The following FBLN2 variants were observed in gnomAD, a reference collection of about 807,000 sequenced individuals.
FBLN2 encodes the protein fibulin-2.
FBLN2 carries 81 observed loss-of-function variants against 123.7 expected under a neutral mutation model. The ratio of observed to expected loss-of-function variants is 0.65; its 90% confidence interval spans 0.55 to 0.79. The LOEUF is 0.79. FBLN2 is among the 30% of genes least tolerant of loss of function. FBLN2 has a pLI of 0.00. For synonymous variants in FBLN2, 699 were observed against 701.4 expected (o/e 1.00, Z 0.05); for missense variants, 1,603 against 1,681.3 (o/e 0.95, Z 0.81).
At chr3:13,563,663 C>T (rs781091226) in intron 1 of FBLN2, among the ~76,000 whole-genome samples, 3 of 152,252 alleles carry the variant, frequency 2.0e-5, no homozygotes, top group Non-Finnish European at 4.4e-5. Context: ...GCTCACATAT[C>T]CCTCTGAGCA....
At chr3:13,599,158 G>T (rs1704942917) in intron 2 of FBLN2, among the ~76,000 whole-genome samples, 1 of 152,206 alleles carries the variant, frequency 6.6e-6, no homozygotes, top group African/African-American at 2.4e-5. Flanking sequence ...ATGACTCAGG[G>T]ATGTGGAAGG....
At chr3:13,554,947 CTTTT>C (rs199976666) in intron 1 of FBLN2, among the ~76,000 whole-genome samples, 13 of 141,660 alleles carry the variant, frequency 9.2e-5, no homozygotes, top group African/African-American at 3.1e-4. Flanking sequence ...CTTATATTTA[CTTTT>C]TTTTTTTTTT....
At chr3:13,583,252 C>T (rs1465560915) in intron 2 of FBLN2, among the ~76,000 whole-genome samples, 1 of 152,286 alleles carries the variant, frequency 6.6e-6, no homozygotes, top group African/African-American at 2.4e-5. Context: ...GTGCCAGGCA[C>T]TGTGTTAATC....
At chr3:13,573,894 CA>C (rs34768387) in intron 2 of FBLN2, among the ~76,000 whole-genome samples, 23,158 of 72,918 alleles carry the variant, frequency 0.32, 1,543 homozygotes, top group Admixed American at 0.39. Context: ...GAGTGAAACT[CA>C]AAAAAAAAAA....
chr3:13,551,422 C>CT (rs1245541231), intron 1 of FBLN2, among the ~76,000 whole-genome samples: 2 of 152,206 alleles, frequency 1.3e-5, no homozygotes, highest in Non-Finnish European at 2.9e-5. Flanking sequence ...CATCACTTTT[C>CT]TTCCCAGATC....
chr3:13,618,286 G>A lies in FBLN2; in HGVS notation c.1939+1G>A. On this transcript the variant is annotated splice_donor_variant, in intron 6 of 17. Transcript: ENST00000404922. LOFTEE classifies it high-confidence loss of function. ...GACGATGGCCGCACTTGCCGCCCAG[G>A]TAAGGGCCCTGATGGCCAGGGCAGG... The A allele has an allele frequency of 6.2e-7, 1 of 1,613,726 alleles. No individual in the cohort carries two copies. The highest frequency in any genetic ancestry group is 8.5e-7 in the Non-Finnish European group (1 of 1,179,866).
chr3:13,577,483 A>G (rs944146771), intron 2 of FBLN2, among the ~76,000 whole-genome samples: 1 of 152,202 alleles, frequency 6.6e-6, no homozygotes, highest in African/African-American at 2.4e-5. Flanking sequence ...GCCTGTGGCC[A>G]CCATGAGGAC....
chr3:13,557,391 C>T (rs1056908042), intron 1 of FBLN2, among the ~76,000 whole-genome samples: 7 of 152,248 alleles, frequency 4.6e-5, no homozygotes, highest in African/African-American at 1.2e-4. Flanking sequence ...ATTTTGGTTA[C>T]AGGTGATAGA....
At chr3:13,564,016 C>G (rs1271100441) in intron 1 of FBLN2, among the ~76,000 whole-genome samples, 1 of 152,150 alleles carries the variant, frequency 6.6e-6, no homozygotes, top group Non-Finnish European at 1.5e-5. Flanking sequence ...CCAAATTAGC[C>G]CAGGGAAGCC....
intron 4 of FBLN2, 122 bp downstream of exon 4, chr3:13,609,764 A>AC: frequency 8.5e-7 from 1 of 1,175,450 alleles, no homozygotes; most frequent in Admixed American, 2.5e-5. Context: ...CCTGGGAGTG[A>AC]CCCTCACGCC....
At chr3:13,595,001 G>A (rs1439366219) in intron 2 of FBLN2, among the ~76,000 whole-genome samples, 11 of 152,210 alleles carry the variant, frequency 7.2e-5, no homozygotes, top group East Asian at 1.9e-4. Context: ...GAGATCCTGC[G>A]GCTGCCCCGG....
chr3:13,602,504 G>GT (rs1300217804), intron 2 of FBLN2, among the ~76,000 whole-genome samples: 2 of 152,206 alleles, frequency 1.3e-5, no homozygotes, highest in Non-Finnish European at 2.9e-5. Context: ...AAGTTGTAGA[G>GT]TAAGTAGAGG....
At chr3:13,593,970 A>G (rs1332949251) in intron 2 of FBLN2, among the ~76,000 whole-genome samples, 1 of 151,870 alleles carries the variant, frequency 6.6e-6, no homozygotes, top group Admixed American at 6.6e-5. Flanking sequence ...CTTTTATAAC[A>G]CTCATTTTAC....
chr3:13,555,314 G>T lies in FBLN2; in HGVS notation c.-42+6106G>T, dbSNP rs905257166. Among the ~76,000 whole-genome samples, 3 of 152,138 alleles carry T rather than the reference G, an allele frequency of 2.0e-5. No homozygotes were observed. The South Asian group carries it at 6.2e-4, about 32-fold the overall frequency. ...CTGTAGACAGAAATCAGGATCACTT[G>T]TCCTAAACCAGCAATACCCATAAAA... is the stretch of plus-strand genomic sequence containing the variant. On this transcript the variant is annotated intron_variant, in intron 1 of 17. Coordinates refer to ENST00000404922, the MANE Select transcript of FBLN2 (RefSeq NM_001004019.2).
chr3:13,600,980 A>C (rs1705013811), intron 2 of FBLN2, among the ~76,000 whole-genome samples: 1 of 152,194 alleles, frequency 6.6e-6, no homozygotes, highest in Admixed American at 6.5e-5. Flanking sequence ...CACAGTGATC[A>C]CATCAGGGTG....
intron 1 of FBLN2, among the ~76,000 whole-genome samples, chr3:13,557,346 G>T (rs1012711067): frequency 6.6e-6 from 1 of 152,246 alleles, no homozygotes. Flanking sequence ...CAAGAAGGTG[G>T]TTCTTCTTTC....
intron 2 of FBLN2, among the ~76,000 whole-genome samples, chr3:13,574,355 G>A (rs551955745): frequency 1.1e-4 from 16 of 152,320 alleles, no homozygotes; most frequent in African/African-American, 3.4e-4. Flanking sequence ...CCTGAGGGCC[G>A]CCCTGCCCGA....
At chr3:13,573,509 C>A (rs1366699158) in intron 2 of FBLN2, among the ~76,000 whole-genome samples, 1 of 152,144 alleles carries the variant, frequency 6.6e-6, no homozygotes, top group African/African-American at 2.4e-5. Flanking sequence ...CTCCTCAAAG[C>A]CCCAAGCTCC....
chr3:13,553,617 C>T (rs538711593), intron 1 of FBLN2, among the ~76,000 whole-genome samples: 1 of 152,260 alleles, frequency 6.6e-6, no homozygotes, highest in Non-Finnish European at 1.5e-5. Context: ...GGAAACGTTG[C>T]AGAAATGCCT....
Sources: gnomAD v4.1 joint callset for allele counts (sites outside exome capture counted in the v4.1 genomes callset) on GRCh38, gnomAD v4.1.1 for gene constraint, MANE v1.5 for transcripts, NCBI Gene and HGNC (gene_info 2026-07-23, HGNC 2026-07-21) for gene names.